DMD: variants seen among roughly 807,000 people sequenced by gnomAD.
DMD encodes dystrophin, also known as mutant dystrophin.
A neutral mutation model predicts 330.1 loss-of-function variants in DMD; 63 were observed. The observed-to-expected ratio is 0.19, with a 90% CI of 0.16 to 0.24. DMD has a LOEUF of 0.24. Ranked by LOEUF, DMD falls within the 10% of genes least tolerant of loss-of-function variation. The pLI is 1.00. For synonymous variants in DMD, 1,223 were observed against 959.8 expected, an observed-to-expected ratio of 1.27 and a Z score of -5.07; for missense variants, 3,344 against 2,684.1, an observed-to-expected ratio of 1.25 and a Z score of -5.43.
At chrX:31,419,966 G>A (rs1304076853) in intron 60 of DMD, among the ~76,000 whole-genome samples, 1 of 111,737 alleles carries the variant, frequency 8.9e-6, no homozygotes, top group Non-Finnish European at 1.9e-5. Context: ...CATGTTTCTT[G>A]TTGGTATCCA....
chrX:32,775,411 C>T (rs932444260), intron 7 of DMD, among the ~76,000 whole-genome samples: 2 of 112,704 alleles, frequency 1.8e-5, no homozygotes, highest in African/African-American at 3.2e-5. Context: ...ATGAGGACTC[C>T]GCCCCTGCAG....
At chrX:32,008,165 A>C (rs2095677415) in intron 44 of DMD, among the ~76,000 whole-genome samples, 1 of 111,102 alleles carries the variant, frequency 9.0e-6, no homozygotes, top group South Asian at 3.8e-4. Context: ...CTGAGAAGTA[A>C]ATGAGTATAG....
intron 42 of DMD, among the ~76,000 whole-genome samples, chrX:32,298,481 G>A (rs1199303349): frequency 2.9e-5 from 3 of 103,312 alleles, no homozygotes; most frequent in African/African-American, 1.2e-4. Context: ...AATTTAAGAT[G>A]TTTATTATAC....
intron 1 of DMD, among the ~76,000 whole-genome samples, chrX:33,066,446 C>CAA (rs778464677): frequency 6.6e-4 from 25 of 38,153 alleles, no homozygotes; most frequent in Admixed American, 1.4e-3. Context: ...GAGACTCTGT[C>CAA]AAAAAAAAAA....
chrX:32,226,725 C>G (rs907670663), intron 43 of DMD, among the ~76,000 whole-genome samples: 1 of 111,119 alleles, frequency 9.0e-6, no homozygotes, highest in African/African-American at 3.3e-5. Flanking sequence ...AATAATACTG[C>G]CTACCTCATT....
At chrX:32,054,448 G>A (rs1185382126) in intron 44 of DMD, among the ~76,000 whole-genome samples, 2 of 105,309 alleles carry the variant, frequency 1.9e-5, no homozygotes, top group African/African-American at 7.0e-5. Context: ...GCGGTGTTTG[G>A]TTTTTTGTCC....
chrX:32,456,600 G>A (rs1461267928), intron 25 of DMD, among the ~76,000 whole-genome samples: 1 of 102,920 alleles, frequency 9.7e-6, no homozygotes, highest in African/African-American at 3.6e-5. Flanking sequence ...GTGTGTGTGT[G>A]TGTGTGTGTG....
chrX:33,010,231 T>TGTGTAC (rs1327566898), intron 2 of DMD, among the ~76,000 whole-genome samples: 1 of 107,318 alleles, frequency 9.3e-6, no homozygotes, highest in African/African-American at 3.5e-5. Context: ...TATGTGTGTA[T>TGTGTAC]ATATGTACAT....
intron 50 of DMD, among the ~76,000 whole-genome samples, chrX:31,782,116 A>G (rs1447648484): frequency 1.8e-5 from 2 of 111,528 alleles, no homozygotes; most frequent in Admixed American, 9.6e-5. Context: ...ATAATAAATA[A>G]TATTACACAG....
intron 17 of DMD, among the ~76,000 whole-genome samples, chrX:32,538,870 G>C (rs891949940): frequency 9.0e-6 from 1 of 110,602 alleles, no homozygotes; most frequent in African/African-American, 3.3e-5. Flanking sequence ...CACCGAGAGT[G>C]CTTGTAAAAT....
chrX:31,992,613 C>T (rs1375605737), intron 44 of DMD, among the ~76,000 whole-genome samples: 1 of 111,238 alleles, frequency 9.0e-6, no homozygotes, highest in Non-Finnish European at 1.9e-5. Flanking sequence ...CTCCTCTCCT[C>T]CTCCACCCAC....
intron 38 of DMD, among the ~76,000 whole-genome samples, chrX:32,347,080 G>A (rs143915417): frequency 0.027 from 2,972 of 111,385 alleles, 99 homozygotes; most frequent in African/African-American, 0.091. Flanking sequence ...ACTTCAACAC[G>A]CAACTGAGGA....
intron 12 of DMD, among the ~76,000 whole-genome samples, chrX:32,609,975 A>G (rs2057034912): frequency 9.0e-6 from 1 of 110,762 alleles, no homozygotes; most frequent in African/African-American, 3.3e-5. Context: ...ACTGTTAAAT[A>G]TTTTCCTTTT....
chrX:32,660,841 G>T (rs1472339205), intron 9 of DMD, among the ~76,000 whole-genome samples: 1 of 111,498 alleles, frequency 9.0e-6, no homozygotes, highest in East Asian at 2.8e-4. Context: ...TTTCTGTGTA[G>T]TAAAATAGAT....
At chrX:32,630,949 G>A (rs867820787) in intron 11 of DMD, among the ~76,000 whole-genome samples, 3 of 110,957 alleles carry the variant, frequency 2.7e-5, no homozygotes, top group African/African-American at 9.8e-5. Context: ...GTATCGGCTT[G>A]TTTGTATCCA....
chrX:32,381,118 G>A (rs946901984), intron 33 of DMD, among the ~76,000 whole-genome samples: 3 of 111,501 alleles, frequency 2.7e-5, no homozygotes, highest in African/African-American at 9.7e-5. Flanking sequence ...AATGAAGATA[G>A]AAGATTAATT....
chrX:32,635,937 G>A (rs148926762), intron 11 of DMD, among the ~76,000 whole-genome samples: 163 of 111,706 alleles, frequency 1.5e-3, no homozygotes, highest in African/African-American at 5.1e-3. Context: ...CTGTGAAGCT[G>A]TAGAAACCCT....
At position 32,491,296 on chromosome X, in the gene DMD, C is replaced by A; in HGVS notation, c.2603G>T (p.Ser868Ile). The A allele has an allele frequency of 3.3e-6, 4 of 1,211,688 alleles. No individual in the cohort carries two copies. The highest frequency in any genetic ancestry group is 4.5e-6 in the Non-Finnish European group (4 of 895,437). ...TCTTACCTTACAAATTTTTAACTGA[C>A]TTTTAATTGCTGTTGGCTCTGATGG... ...TTPSEPTAIK[S>I]QLKICKDEVN... The change falls in exon 20 of 79, where the codon AGT becomes ATT. Residue 868 changes from serine to isoleucine, a missense_variant. Physicochemically the swap from Ser to Ile is moderately radical, Grantham distance 142. Transcript: ENST00000357033.
At chrX:32,927,688 G>A (rs189485769) in intron 2 of DMD, among the ~76,000 whole-genome samples, 57 of 111,702 alleles carry the variant, frequency 5.1e-4, no homozygotes, top group African/African-American at 1.8e-3. Flanking sequence ...CAGATTTAAT[G>A]TAAATCATCT....
Sources: allele counts gnomAD v4.1 joint callset (sites outside exome capture counted in the v4.1 genomes callset), GRCh38; gene constraint gnomAD v4.1.1; transcripts MANE v1.5; gene names NCBI Gene and HGNC (gene_info 2026-07-23, HGNC 2026-07-21).